Variants in SLIT3 observed in about 807,000 individuals in gnomAD.
The protein encoded by SLIT3 is slit homolog 3 protein.
Under a neutral mutation model 184.0 loss-of-function variants are expected in SLIT3, and 68 were observed. That is an observed-to-expected ratio of 0.37 (90% CI 0.30 to 0.45). The LOEUF (loss-of-function observed/expected upper bound fraction) is 0.45. Among genes scored for constraint, SLIT3 ranks in the 20% least tolerant of loss-of-function variants. The pLI is 1.00. For synonymous variants in SLIT3, 831 were observed against 828.6 expected, an observed-to-expected ratio of 1.00 and a Z score of -0.05; for missense variants, 1,707 against 2,026.0, an observed-to-expected ratio of 0.84 and a Z score of 3.02.
intron 5 of SLIT3, among the ~76,000 whole-genome samples, chr5:168,850,858 T>C (rs1490006172): frequency 6.6e-6 from 1 of 152,148 alleles, no homozygotes; most frequent in Non-Finnish European, 1.5e-5. Context: ...CGATGATGGA[T>C]TAGCCACAAA....
chr5:169,217,383 G>A (rs938812233), intron 3 of SLIT3, among the ~76,000 whole-genome samples: 2 of 152,168 alleles, frequency 1.3e-5, no homozygotes, highest in Admixed American at 6.5e-5. Flanking sequence ...TAGGTCCCAG[G>A]AGCTCACAGC....
chr5:169,218,910 G>C (rs1225386324), intron 3 of SLIT3, among the ~76,000 whole-genome samples: 1 of 152,184 alleles, frequency 6.6e-6, no homozygotes, highest in Non-Finnish European at 1.5e-5. Flanking sequence ...CCCAGCCACG[G>C]TCTCCAGCTG....
At chr5:168,895,369 G>A (rs1270402221) in intron 4 of SLIT3, among the ~76,000 whole-genome samples, 1 of 152,192 alleles carries the variant, frequency 6.6e-6, no homozygotes, top group African/African-American at 2.4e-5. Context: ...AGGCAGCACT[G>A]CAGCTCAAGG....
At chr5:169,100,084 G>A (rs1202037134) in intron 4 of SLIT3, among the ~76,000 whole-genome samples, 1 of 152,186 alleles carries the variant, frequency 6.6e-6, no homozygotes, top group Non-Finnish European at 1.5e-5. Flanking sequence ...CTCTGGCACT[G>A]CTAATGCTGG....
In SLIT3 at chr5:168,772,768, G is replaced by T; in HGVS notation, c.1459+13C>A. On this transcript the variant is annotated intron_variant, in intron 14 of 35. Coordinates refer to ENST00000519560, the MANE Select transcript of SLIT3 (RefSeq NM_003062.4). ...GAGTCAGAAAGCGGGGCCCAGCCCC[G>T]TAACCTGATTACCTGAGCAGCGGAA... 1 of 1,614,042 alleles carries T rather than the reference G, an allele frequency of 6.2e-7. No individual in the cohort carries two copies. The highest frequency in any genetic ancestry group is 1.3e-5 in the African/African-American group (1 of 75,036).
rs2113501479 is a variant in SLIT3 at position 168,760,901 on chromosome 5, G to A, written c.1646C>T (p.Ala549Val). 1 of 1,613,986 alleles carries A rather than the reference G, an allele frequency of 6.2e-7. No individual in the cohort carries two copies. The highest frequency in any genetic ancestry group is 1.1e-5 in the South Asian group (1 of 91,078). ...GGGCAACTTCTTGAAGATGCCAGTG[G>A]CCTCCAGAACAGATACCTCATTGTC... is the stretch of plus-strand genomic sequence containing the variant. ...LNDNEVSVLE[A>V]TGIFKKLPNL... The change falls in exon 16 of 36, where the codon GCC becomes GTC. Residue 549 changes from alanine to valine, a missense_variant. Physicochemically the swap from Ala to Val is moderately conservative, Grantham distance 64. Coordinates refer to ENST00000519560, the MANE Select transcript of SLIT3 (RefSeq NM_003062.4).
chr5:169,142,652 C>T (rs1475619762), intron 4 of SLIT3, among the ~76,000 whole-genome samples: 1 of 152,218 alleles, frequency 6.6e-6, no homozygotes, highest in Non-Finnish European at 1.5e-5. Flanking sequence ...TGAGCCTGTG[C>T]TACACTCTGG....
rs533802478 is a variant in SLIT3 at position 169,289,927 on chromosome 5, A to C, written c.197+10586T>G. 2.0e-5 allele frequency among the ~76,000 whole-genome samples: 3 copies of C among 151,774 alleles called. No individual in the cohort carries two copies. The South Asian group carries it at 6.3e-4, about 32-fold the overall frequency. ...TATGCTAGGGCACATACTAGGGCAT[A>C]TGCTAGAACATACACCAGGGCATAC... is the stretch of plus-strand genomic sequence containing the variant. On this transcript the variant is annotated intron_variant, in intron 1 of 35. Transcript: ENST00000519560.
chr5:168,997,763 G>C (rs534189414), intron 4 of SLIT3, among the ~76,000 whole-genome samples: 1 of 152,106 alleles, frequency 6.6e-6, no homozygotes, highest in Non-Finnish European at 1.5e-5. Flanking sequence ...CAACTGGCAC[G>C]GCATTTCCAA....
intron 4 of SLIT3, among the ~76,000 whole-genome samples, chr5:169,007,458 C>T (rs1310714154): frequency 3.3e-5 from 5 of 152,168 alleles, no homozygotes; most frequent in Non-Finnish European, 7.3e-5. Context: ...CCTTATTCTA[C>T]GTGCTTTTTG....
intron 4 of SLIT3, among the ~76,000 whole-genome samples, chr5:168,958,435 A>T (rs1378213296): frequency 6.6e-6 from 1 of 152,212 alleles, no homozygotes; most frequent in East Asian, 1.9e-4. Flanking sequence ...TTTTATATGC[A>T]TTCTCTCTTA....
chr5:169,290,791 C>T (rs763702058), intron 1 of SLIT3, among the ~76,000 whole-genome samples: 5 of 149,708 alleles, frequency 3.3e-5, no homozygotes, highest in East Asian at 4.0e-4. Flanking sequence ...CTAGGGCACA[C>T]GCTAGGGCAT....
intron 33 of SLIT3, 64 bp downstream of exon 33, chr5:168,673,113 G>T: frequency 2.6e-6 from 4 of 1,534,028 alleles, no homozygotes; most frequent in Non-Finnish European, 3.6e-6. Flanking sequence ...CAGTGGCCTG[G>T]GTTTCTGTAC....
chr5:168,906,388 T>C (rs1306445737), intron 4 of SLIT3, among the ~76,000 whole-genome samples: 1 of 152,228 alleles, frequency 6.6e-6, no homozygotes, highest in East Asian at 1.9e-4. Context: ...ATTTAGCATT[T>C]GGTGATTCAT....
chr5:168,820,470 G>A (rs1395071655), intron 7 of SLIT3, among the ~76,000 whole-genome samples: 1 of 152,204 alleles, frequency 6.6e-6, no homozygotes, highest in Admixed American at 6.5e-5. Context: ...GGGCTGCTGT[G>A]AGAATTGAAA....
At chr5:168,736,822 C>A (rs898138536) in intron 20 of SLIT3, among the ~76,000 whole-genome samples, 2 of 152,216 alleles carry the variant, frequency 1.3e-5, no homozygotes, top group African/African-American at 4.8e-5. Flanking sequence ...GTTTCTGCCA[C>A]AGGGAGGACT....
intron 32 of SLIT3, among the ~76,000 whole-genome samples, chr5:168,678,416 C>T (rs1356604191): frequency 6.6e-6 from 1 of 152,184 alleles, no homozygotes; most frequent in Non-Finnish European, 1.5e-5. Flanking sequence ...CTTGAATTCT[C>T]CCTGACAAAT....
intron 7 of SLIT3, among the ~76,000 whole-genome samples, chr5:168,818,417 G>A (rs1000084246): frequency 6.6e-6 from 1 of 152,084 alleles, no homozygotes. Context: ...GGATATCCAG[G>A]GGCTTCTAAG....
chr5:169,012,956 T>G (rs893892913), intron 4 of SLIT3: 4 of 152,258 alleles, frequency 2.6e-5, no homozygotes, highest in African/African-American at 9.6e-5. Context: ...ATCTGCTGTA[T>G]GAAACACTGA....
Sources: allele counts gnomAD v4.1 joint callset (sites outside exome capture counted in the v4.1 genomes callset), GRCh38; gene constraint gnomAD v4.1.1; transcripts MANE v1.5; gene names NCBI Gene and HGNC (gene_info 2026-07-23, HGNC 2026-07-21).